CTIF: variants seen among roughly 807,000 people sequenced by gnomAD.
CTIF encodes cap binding complex dependent translation initiation factor.
A neutral mutation model predicts 66.0 loss-of-function variants in CTIF; 21 were observed. The ratio of observed to expected loss-of-function variants is 0.32; its 90% CI spans 0.23 to 0.46. The LOEUF is 0.46. Ranked by LOEUF, CTIF falls within the 20% of genes least tolerant of loss-of-function variation. The probability of loss-of-function intolerance (pLI) is 1.00; values close to 1 mark genes in which losing one functional copy is unlikely to be tolerated. For synonymous variants in CTIF, 345 were observed against 326.4 expected (o/e 1.06, Z -0.62); for missense variants, 739 against 812.7 (o/e 0.91, Z 1.10).
At chr18:48,694,683 C>T (rs1434528675) in intron 6 of CTIF, among the ~76,000 whole-genome samples, 4 of 152,218 alleles carry the variant, frequency 2.6e-5, no homozygotes, top group Non-Finnish European at 4.4e-5. Context: ...ACAACAAAAG[C>T]TTAGCACTGC....
At chr18:48,823,217 A>G (rs763224202) in intron 10 of CTIF, among the ~76,000 whole-genome samples, 1 of 151,740 alleles carries the variant, frequency 6.6e-6, no homozygotes, top group African/African-American at 2.4e-5. Context: ...TTTTGGAGTC[A>G]TATCCAAAAA....
intron 7 of CTIF, among the ~76,000 whole-genome samples, chr18:48,734,169 A>C (rs1346925313): frequency 1.3e-5 from 2 of 152,136 alleles, no homozygotes; most frequent in South Asian, 2.1e-4. Flanking sequence ...TCGAGTCCCC[A>C]CCCACTTCCC....
chr18:48,801,856 G>A (rs1183077536), intron 9 of CTIF, among the ~76,000 whole-genome samples: 2 of 152,188 alleles, frequency 1.3e-5, no homozygotes, highest in Non-Finnish European at 2.9e-5. Context: ...CCGTGGAGAA[G>A]ACTCTAGGAA....
intron 3 of CTIF, among the ~76,000 whole-genome samples, chr18:48,643,415 C>T (rs1201792436): frequency 2.6e-5 from 4 of 152,200 alleles, no homozygotes; most frequent in Non-Finnish European, 4.4e-5. Flanking sequence ...GGAAACACAG[C>T]AAGGCCTGTC....
Position 48,761,668 on chromosome 18 carries a change from C to A in CTIF, c.1350C>A (p.Ser450Arg). Residue 450 changes from serine (S) to arginine (R), a missense_variant, in exon 9 of 12, where the codon AGC becomes AGA. Ser to Arg is a moderately radical substitution (Grantham distance 110). Transcript: ENST00000256413. This position sits in a 1 kb window ranked among gnomAD's most constrained non-coding sequence, Gnocchi z 4.2. ...TGGTGGAGGGGACCAAGTTCCGGAGCCTGCTCCTCAACATGCTGCAGGTAA... is the reference window on the plus strand; with the variant it reads ...TGGTGGAGGGGACCAAGTTCCGGAGACTGCTCCTCAACATGCTGCAGGTAA... ...LFMVEGTKFRSLLLNMLQKDF... is the reference protein window; with the variant it reads ...LFMVEGTKFRRLLLNMLQKDF... 6.2e-7 allele frequency: 1 copy of A among 1,610,842 alleles called. No homozygotes were observed. The highest frequency in any genetic ancestry group is 1.1e-5 in the South Asian group (1 of 91,014).
intron 6 of CTIF, among the ~76,000 whole-genome samples, chr18:48,700,210 T>A (rs773473036): frequency 3.2e-4 from 49 of 152,256 alleles, no homozygotes; most frequent in Non-Finnish European, 5.9e-4. Flanking sequence ...AGTTCCCCTG[T>A]ACATGCTCTC....
intron 6 of CTIF, among the ~76,000 whole-genome samples, chr18:48,677,389 G>A (rs745874163): frequency 2.0e-5 from 3 of 152,184 alleles, no homozygotes; most frequent in South Asian, 2.1e-4. Context: ...TTAAGTGCAG[G>A]GGCTGGTACC....
chr18:48,691,028 GCAGA>G (rs2091917728), intron 6 of CTIF, among the ~76,000 whole-genome samples: 1 of 152,186 alleles, frequency 6.6e-6, no homozygotes, highest in African/African-American at 2.4e-5. Flanking sequence ...TGTGAGCAGG[GCAGA>G]CAGAGTGGCT....
intron 6 of CTIF, among the ~76,000 whole-genome samples, chr18:48,672,661 G>T (rs926861778): frequency 6.6e-6 from 1 of 152,070 alleles, no homozygotes; most frequent in African/African-American, 2.4e-5. Flanking sequence ...AAGGAAAGAG[G>T]GTGACAAAGG....
intron 9 of CTIF, among the ~76,000 whole-genome samples, chr18:48,763,108 G>A (rs28756332): frequency 7.0e-4 from 106 of 152,304 alleles, no homozygotes; most frequent in African/African-American, 2.3e-3. Flanking sequence ...GTGGCGGGCA[G>A]AGAAGCCTGT....
intron 7 of CTIF, among the ~76,000 whole-genome samples, chr18:48,729,051 C>G (rs1397590125): frequency 6.6e-6 from 1 of 152,178 alleles, no homozygotes; most frequent in African/African-American, 2.4e-5. Flanking sequence ...TCAAACCTCT[C>G]TACAAATGCC....
chr18:48,587,075 C>CTT (rs778079682), intron 1 of CTIF, among the ~76,000 whole-genome samples: 1,598 of 127,994 alleles, frequency 0.012, 37 homozygotes, highest in African/African-American at 0.039. Flanking sequence ...AAGCCACATT[C>CTT]TTTTTTTTTT....
intron 10 of CTIF, among the ~76,000 whole-genome samples, chr18:48,851,372 AGAGACGAGGAG>A (rs2146627016): frequency 6.6e-6 from 1 of 152,304 alleles, no homozygotes; most frequent in African/African-American, 2.4e-5. Flanking sequence ...GGGCTGCAGA[AGAGACGAGGAG>A]GAGACCCTTG....
In CTIF at chr18:48,820,630, C is replaced by T. The variant is rs138115367; in HGVS notation, c.1527+3254C>T. ...CTCAGTGCAGCTCTCATGCAGGCCC[C>T]CACCCATGCTGCCTGCCTCCCTGCA... is the stretch of plus-strand genomic sequence containing the variant. On this transcript the variant is annotated intron_variant, in intron 10 of 11. Transcript: ENST00000256413. Among the ~76,000 whole-genome samples, 364 of 152,308 alleles carry T rather than the reference C, an allele frequency of 2.4e-3. 1 individual carries two copies. The highest frequency in any genetic ancestry group is 8.4e-3 in the African/African-American group (351 of 41,562).
intron 10 of CTIF, among the ~76,000 whole-genome samples, chr18:48,825,802 G>A (rs2068571598): frequency 6.6e-6 from 1 of 152,240 alleles, no homozygotes; most frequent in Non-Finnish European, 1.5e-5. Flanking sequence ...CCTGCAACTT[G>A]AGAAGCTTTT....
Position 48,824,014 on chromosome 18 carries a change from A to AC in CTIF, c.1527+6638_1527+6639insC, listed in dbSNP as rs1568247737. On this transcript the variant is annotated intron_variant, in intron 10 of 11. Transcript: ENST00000256413. ...CACACACACACACACACACACACAC[A>AC]AACTGCTAGAACTAATAAATGAATT... Among the ~76,000 whole-genome samples, 19 of 58,200 alleles carry AC rather than the reference A, an allele frequency of 3.3e-4. 1 individual carries two copies. The highest frequency in any genetic ancestry group is 3.1e-3 in the East Asian group (8 of 2,548). The allele number at this position is 58,200 out of a possible 152,430, so 38.2% of individuals were successfully genotyped here.
intron 7 of CTIF, among the ~76,000 whole-genome samples, chr18:48,740,836 A>G (rs1172624661): frequency 3.9e-5 from 6 of 152,148 alleles, no homozygotes; most frequent in African/African-American, 1.2e-4. Context: ...GGTTCTAGAA[A>G]TATTACAGTG....
intron 2 of CTIF, among the ~76,000 whole-genome samples, chr18:48,628,507 G>A (rs2090643187): frequency 1.3e-5 from 2 of 152,288 alleles, no homozygotes; most frequent in South Asian, 4.1e-4. Context: ...GCACAGAGAG[G>A]TTGACTTAAG....
chr18:48,735,312 C>T (rs1483142034), intron 7 of CTIF, among the ~76,000 whole-genome samples: 1 of 152,174 alleles, frequency 6.6e-6, no homozygotes, highest in Non-Finnish European at 1.5e-5. Flanking sequence ...GAGCAGAGAA[C>T]ACTGTTAGGA....
Sources: allele counts gnomAD v4.1 joint callset (sites outside exome capture counted in the v4.1 genomes callset), GRCh38; gene constraint gnomAD v4.1.1; non-coding constraint Gnocchi (gnomAD v3.1); transcripts MANE v1.5; gene names NCBI Gene and HGNC (gene_info 2026-07-23, HGNC 2026-07-21).